Variants in EMG1 observed in about 807,000 individuals in gnomAD.
EMG1 encodes the protein EMG1 N1-specific pseudouridine methyltransferase, also known as ribosomal RNA small subunit methyltransferase NEP1.
Under a neutral mutation model 26.9 loss-of-function variants are expected in EMG1, and 24 were observed. That is an observed-to-expected ratio of 0.89 (90% CI 0.65 to 1.26). The LOEUF (loss-of-function observed/expected upper bound fraction) is 1.26, where lower values mean the gene tolerates loss of function less well. EMG1 is among the 50% of genes most tolerant of loss of function. The pLI is 0.00. For synonymous variants in EMG1, 140 were observed against 112.6 expected (o/e 1.24, Z -1.54); for missense variants, 299 against 307.6 (o/e 0.97, Z 0.21).
chr12:6,981,910 A>G (rs200178788), downstream of EMG1: 442 of 1,460,214 alleles, frequency 3.0e-4, 2 homozygotes, highest in African/African-American at 5.3e-3. Flanking sequence ...TAGGCCTAGG[A>G]GAGGCAGAAG....
At chr12:6,986,885 G>A (rs1259214810) in intron 6 of EMG1, among the ~76,000 whole-genome samples, 1 of 151,936 alleles carries the variant, frequency 6.6e-6, no homozygotes, top group Non-Finnish European at 1.5e-5. Context: ...AGGCTTAGGC[G>A]GGTGGGTCGC....
At chr12:6,986,596 A>G (rs2138338203) in intron 6 of EMG1, among the ~76,000 whole-genome samples, 1 of 152,026 alleles carries the variant, frequency 6.6e-6, no homozygotes, top group Non-Finnish European at 1.5e-5. Context: ...CATCCTGGCT[A>G]ACATGGTGAA....
In EMG1 at chr12:6,994,854, TC is replaced by T. The variant is rs1946623972; in HGVS notation, c.*212-2370del. Among the ~76,000 whole-genome samples the T allele has an allele frequency of 2.6e-5, 4 of 152,220 alleles. 1 individual carries two copies. The South Asian group carries it at 8.3e-4, about 31-fold the overall frequency. On this transcript the variant is annotated intron_variant and NMD_transcript_variant, in intron 7 of 7. Coordinates refer to the EMG1 transcript ENST00000607161. ...CGTTTCTTTCACCGAAGGCATTTTTTCTGGCTCCTAGATGTTGCTGACCCCC... is the reference window on the plus strand; with the variant it reads ...CGTTTCTTTCACCGAAGGCATTTTTTTGGCTCCTAGATGTTGCTGACCCCC...
chr12:6,977,219 C>G lies in EMG1; in HGVS notation c.*1410C>G. The G allele has an allele frequency of 6.2e-7, 1 of 1,614,022 alleles. No homozygotes were observed. ...AATATAAGGCAATATGAATAGTAGGCTCAGGAAGAAGATGTGGCCAAGGAA... is the reference window on the plus strand; with the variant it reads ...AATATAAGGCAATATGAATAGTAGGGTCAGGAAGAAGATGTGGCCAAGGAA... On this transcript the variant is annotated 3_prime_UTR_variant, in exon 6 of 6. Coordinates refer to ENST00000599672, the MANE Select transcript of EMG1 (RefSeq NM_006331.8). This position sits in a 1 kb window ranked among gnomAD's most constrained non-coding sequence, Gnocchi z 4.5.
At chr12:6,981,259 T>A (rs1804296198), downstream of EMG1, 2 of 1,196,608 alleles carry the variant, frequency 1.7e-6, no homozygotes, top group Admixed American at 4.5e-5. Flanking sequence ...GTTCCCCACC[T>A]GTGTGCCCCA....
exon 8 of EMG1, chr12:6,997,415 G>A (rs1946646791): frequency 6.6e-6 from 1 of 151,314 alleles, no homozygotes; most frequent in Non-Finnish European, 1.4e-5. Context: ...GTGTGTGTGT[G>A]TGTGTGTGTG....
At chr12:6,981,917 G>GA, downstream of EMG1, 1 of 1,392,884 alleles carries the variant, frequency 7.2e-7, no homozygotes. Flanking sequence ...AGGAGAGGCA[G>GA]AAGTATTTAT....
At chr12:6,972,503 G>C (rs1367422206) in intron 1 of EMG1, among the ~76,000 whole-genome samples, 1 of 151,898 alleles carries the variant, frequency 6.6e-6, no homozygotes, top group Non-Finnish European at 1.5e-5. Flanking sequence ...ACTTGTATTT[G>C]TATATAACAG....
In EMG1 at chr12:6,978,998, C is replaced by G; in HGVS notation, c.*3189C>G. 1 of 338,012 alleles carries G rather than the reference C, an allele frequency of 3.0e-6. No homozygotes were observed. The highest frequency in any genetic ancestry group is 5.7e-5 in the East Asian group (1 of 17,596). 20.9% of individuals were successfully genotyped at this position (338,012 alleles called of 1,614,324 possible). On this transcript the variant is annotated 3_prime_UTR_variant, in exon 6 of 6. Transcript: ENST00000599672. ...TTTGGAATGTTAAGTACAGAGGGGC[C>G]CATATTGGATTTTAATTTAAGGAGA...
intron 5 of EMG1, 79 bp from the exon 6 acceptor site, chr12:6,975,617 C>A: frequency 9.4e-7 from 1 of 1,065,504 alleles, no homozygotes; most frequent in Non-Finnish European, 1.5e-6. Flanking sequence ...CTAGCTCAGC[C>A]ATAGTTTTCC....
chr12:6,980,808 GT>G (rs1946462709), downstream of EMG1: 1 of 446,594 alleles, frequency 2.2e-6, no homozygotes. Flanking sequence ...TTGTACTAGT[GT>G]TAGAATGGAT....
Position 6,976,254 on chromosome 12 carries a change from G to A in EMG1, c.*445G>A, listed in dbSNP as rs1946398398. 6.4e-6 allele frequency: 1 copy of A among 155,530 alleles called. No homozygotes were observed. Among genetic ancestry groups the A allele is most frequent in the Non-Finnish European group, 1.4e-5 (1 of 70,262 alleles). The allele number at this position is 155,530 out of a possible 1,614,324, so 9.6% of individuals were successfully genotyped here. A position where few individuals can be genotyped will look rare whatever the true frequency, so the allele number is the denominator to read the frequency against. On this transcript the variant is annotated 3_prime_UTR_variant, in exon 6 of 6. Coordinates refer to ENST00000599672, the MANE Select transcript of EMG1 (RefSeq NM_006331.8). ...AAGGTAGAAAAAGTGGAGCAGGCAG[G>A]GCCTTGCACCCCTCTCCACCCCCCC...
In EMG1 at chr12:6,976,954, CTTCCAGATGT is replaced by C; in HGVS notation, c.*1150_*1159del. On this transcript the variant is annotated 3_prime_UTR_variant, in exon 6 of 6. Transcript: ENST00000599672. Reference sequence around the variant, plus strand: ...CTCCTGTAATTCCTGGTCTATAGCCCTTCCAGATGTTTCCTAGCATGCCTCAATAAGTCAC... The same window carrying C: ...CTCCTGTAATTCCTGGTCTATAGCCCTTCCTAGCATGCCTCAATAAGTCAC... The C allele has an allele frequency of 1.7e-6, 1 of 575,722 alleles. No homozygotes were observed. The highest frequency in any genetic ancestry group is 3.0e-5 in the Admixed American group (1 of 33,518). 35.7% of individuals were successfully genotyped at this position (575,722 alleles called of 1,614,324 possible). A position where few individuals can be genotyped will look rare whatever the true frequency, so the allele number is the denominator to read the frequency against.
At chr12:6,980,916 G>T, downstream of EMG1, 1 of 1,345,200 alleles carries the variant, frequency 7.4e-7, no homozygotes, top group Non-Finnish European at 1.0e-6. Context: ...CTATGCCAGG[G>T]TCATGCTGGA....
Position 6,986,566 on chromosome 12 carries a change from C to T in EMG1, c.*155-1216C>T, listed in dbSNP as rs1010934152. Among the ~76,000 whole-genome samples the T allele has an allele frequency of 2.2e-3, 341 of 151,972 alleles. 1 individual carries two copies. The highest frequency in any genetic ancestry group is 2.5e-3 in the South Asian group (12 of 4,822). ...TTGGGAGGCTGAAGCAGGTGGATCA[C>T]GAGGTCAGGAAATCGAGACCATCCT... On this transcript the variant is annotated intron_variant and NMD_transcript_variant, in intron 6 of 7. Coordinates refer to the EMG1 transcript ENST00000261406.
At chr12:6,992,099 A>G (rs1479992734), downstream of EMG1, among the ~76,000 whole-genome samples, 1 of 152,100 alleles carries the variant, frequency 6.6e-6, no homozygotes, top group Non-Finnish European at 1.5e-5. Context: ...TCAAGGACTG[A>G]CATTTGATAC....
downstream of EMG1, among the ~76,000 whole-genome samples, chr12:6,984,213 G>A (rs1555154529): frequency 1.3e-5 from 2 of 152,184 alleles, no homozygotes; most frequent in African/African-American, 4.8e-5. Context: ...ATCCATTTAA[G>A]TATACTAAAA....
downstream of EMG1, chr12:6,983,544 A>G: frequency 1.9e-6 from 3 of 1,560,446 alleles, no homozygotes; most frequent in South Asian, 3.3e-5. Flanking sequence ...GGTAACCTAG[A>G]TGGGGGAAAA....
Position 6,977,410 on chromosome 12 carries a change from G to C in EMG1, c.*1601G>C. The C allele has an allele frequency of 6.2e-7, 1 of 1,614,222 alleles. No individual in the cohort carries two copies. Among genetic ancestry groups the C allele is most frequent in the Non-Finnish European group, 8.5e-7 (1 of 1,180,044 alleles). ...CGTGAAGAGGCAGAAGGCAGTCATG[G>C]AGTAACCCATGAAGAGCCAGTGGAT... On this transcript the variant is annotated 3_prime_UTR_variant, in exon 6 of 6. Coordinates refer to ENST00000599672, the MANE Select transcript of EMG1 (RefSeq NM_006331.8). This position sits in a 1 kb window ranked among gnomAD's most constrained non-coding sequence, Gnocchi z 4.5.
Sources: allele counts gnomAD v4.1 joint callset (sites outside exome capture counted in the v4.1 genomes callset), GRCh38; gene constraint gnomAD v4.1.1; non-coding constraint Gnocchi (gnomAD v3.1); transcripts MANE v1.5; gene names NCBI Gene and HGNC (gene_info 2026-07-23, HGNC 2026-07-21).